GBF1: variants seen among roughly 807,000 people sequenced by gnomAD.
The protein encoded by GBF1 is Golgi-specific brefeldin A-resistance guanine nucleotide exchange factor 1.
GBF1 carries 114 observed loss-of-function variants against 210.5 expected under a neutral mutation model. The observed-to-expected ratio is 0.54, with a 90% CI of 0.47 to 0.63. GBF1 has a LOEUF of 0.63. Among genes scored for constraint, GBF1 ranks in the 30% least tolerant of loss-of-function variants. The pLI, the probability that GBF1 is intolerant of heterozygous loss-of-function variation, is 0.00. For synonymous variants in GBF1, 850 were observed against 889.2 expected (o/e 0.96, Z 0.78); for missense variants, 1,851 against 2,357.7 (o/e 0.79, Z 4.45).
rs1222790767 is a variant in GBF1 at position 102,363,211 on chromosome 10, C to T, written c.1877-45C>T. 2 of 1,556,712 alleles carry T rather than the reference C, an allele frequency of 1.3e-6. No individual in the cohort carries two copies. Among genetic ancestry groups the T allele is most frequent in the South Asian group, 2.4e-5 (2 of 84,652 alleles). ...TGATCTATCCTGCAGCTCTGCTTGG[C>T]TTCATACCCTATAAGTCTTCACGTA... is the stretch of plus-strand genomic sequence containing the variant. On this transcript the variant is annotated intron_variant, in intron 15 of 39. Transcript: ENST00000369983. The surrounding 1 kb of genome is among the most constrained non-coding windows in gnomAD (Gnocchi z 4.2).
intron 3 of GBF1, among the ~76,000 whole-genome samples, chr10:102,281,445 C>T (rs924680091): frequency 8.6e-5 from 13 of 151,900 alleles, no homozygotes; most frequent in African/African-American, 3.1e-4. Context: ...TGATATTTTA[C>T]AATTGACTAG....
At chr10:102,318,229 G>A (rs1416772467) in intron 3 of GBF1, among the ~76,000 whole-genome samples, 1 of 150,222 alleles carries the variant, frequency 6.7e-6, no homozygotes, top group Non-Finnish European at 1.5e-5. Flanking sequence ...GTCTCACTTT[G>A]TTGCCTAGGC....
chr10:102,329,586 C>T (rs2057169444), intron 3 of GBF1, among the ~76,000 whole-genome samples: 1 of 152,078 alleles, frequency 6.6e-6, no homozygotes, highest in Admixed American at 6.6e-5. Flanking sequence ...GCCTCAGCCT[C>T]CTGAGTAGCT....
chr10:102,354,592 G>A (rs992598019), intron 8 of GBF1, among the ~76,000 whole-genome samples: 2 of 152,132 alleles, frequency 1.3e-5, no homozygotes, highest in African/African-American at 4.8e-5. Flanking sequence ...AACACAGCAC[G>A]GCTTTGGAAG....
chr10:102,366,582 CTCTT>C lies in GBF1; in HGVS notation c.2433+78_2433+81del, dbSNP rs2059922825. On this transcript the variant is annotated intron_variant, in intron 19 of 39. Coordinates refer to ENST00000369983, the MANE Select transcript of GBF1 (RefSeq NM_001377137.1). The surrounding 1 kb of genome is among the most constrained non-coding windows in gnomAD (Gnocchi z 4.0). ...GAGGGCTGAAGAATCCAGCTGCTGT[CTCTT>C]TTTTTTTTTTTTTTTTTTGAGACAG... is the stretch of plus-strand genomic sequence containing the variant. 7 of 847,744 alleles carry C rather than the reference CTCTT, an allele frequency of 8.3e-6. No homozygotes were observed. Among genetic ancestry groups the C allele is most frequent in the Non-Finnish European group, 1.0e-5 (6 of 577,922 alleles). 52.5% of individuals were successfully genotyped at this position (847,744 alleles called of 1,614,324 possible).
chr10:102,322,238 A>C (rs1018843376), intron 3 of GBF1, among the ~76,000 whole-genome samples: 1 of 152,238 alleles, frequency 6.6e-6, no homozygotes, highest in African/African-American at 2.4e-5. Context: ...AGAGTCACTT[A>C]TTCAAGTTCT....
In GBF1 at chr10:102,362,747, A is replaced by G. The variant is rs542165523; in HGVS notation, c.1876+83A>G. On this transcript the variant is annotated intron_variant, in intron 15 of 39. Coordinates refer to ENST00000369983, the MANE Select transcript of GBF1 (RefSeq NM_001377137.1). ...TCTCTGAGTCGTTTTTCCTGTCCCCATATCACTTCCCCTGGGATGCTCCCA... is the reference window on the plus strand; with the variant it reads ...TCTCTGAGTCGTTTTTCCTGTCCCCGTATCACTTCCCCTGGGATGCTCCCA... 27 of 1,034,774 alleles carry G rather than the reference A, an allele frequency of 2.6e-5. No homozygotes were observed. The African/African-American group carries it at 4.1e-4, about 16-fold the overall frequency. 64.1% of individuals were successfully genotyped at this position (1,034,774 alleles called of 1,614,324 possible).
chr10:102,274,189 G>A lies in GBF1; in HGVS notation c.163+14073G>A, dbSNP rs563022041. Among the ~76,000 whole-genome samples, 15 of 152,302 alleles carry A rather than the reference G, an allele frequency of 9.8e-5. No individual in the cohort carries two copies. The South Asian group carries it at 2.1e-3, about 21-fold the overall frequency. The stretch of plus-strand genomic sequence containing the variant: ...TGATTTGAGAAGCTCTGGAATTTGA[G>A]CAGACAACTGGGCACTAGTTTGAAG... On this transcript the variant is annotated intron_variant, in intron 3 of 39. Coordinates refer to ENST00000369983, the MANE Select transcript of GBF1 (RefSeq NM_001377137.1).
intron 4 of GBF1, among the ~76,000 whole-genome samples, chr10:102,349,252 G>T (rs2058775450): frequency 6.6e-6 from 1 of 152,190 alleles, no homozygotes; most frequent in Non-Finnish European, 1.5e-5. Context: ...GAGAAAATGG[G>T]CTGGGCACAG....
chr10:102,257,124 ATAATTATGGTTATAAGTTTG>A (rs2072511011), intron 1 of GBF1, among the ~76,000 whole-genome samples: 1 of 152,230 alleles, frequency 6.6e-6, no homozygotes, highest in Non-Finnish European at 1.5e-5. Flanking sequence ...TTCTCTAGGA[ATAATTATGGTTATAAGTTTG>A]GGTATATTAG....
chr10:102,259,022 C>G lies in GBF1; in HGVS notation c.84C>G (p.Thr28=). ...GAIKRNARWS[T]HTPLDEERDP... ...TCAAACGAAATGCCCGATGGAGCAC[C>G]CATACACCACTGGTAAGTGGGAAAT... The change falls in exon 2 of 40, where the codon ACC becomes ACG. Residue 28 remains threonine (T), a synonymous_variant. Transcript: ENST00000369983. The G allele has an allele frequency of 6.4e-7, 1 of 1,553,660 alleles. No homozygotes were observed. The highest frequency in any genetic ancestry group is 8.9e-7 in the Non-Finnish European group (1 of 1,124,932).
chr10:102,380,429 C>A, intron 37 of GBF1, 67 bp downstream of exon 37: 1 of 1,581,938 alleles, frequency 6.3e-7, no homozygotes, highest in Admixed American at 1.7e-5. Flanking sequence ...GCCCTTTCCC[C>A]CTTGGTAGCT....
At chr10:102,364,945 A>G (rs1309999678) in intron 17 of GBF1, among the ~76,000 whole-genome samples, 1 of 152,180 alleles carries the variant, frequency 6.6e-6, no homozygotes, top group East Asian at 1.9e-4. Context: ...CCGTGACTGG[A>G]CATACAGAAA....
At chr10:102,257,511 T>C (rs1279514296) in intron 1 of GBF1, among the ~76,000 whole-genome samples, 4 of 152,092 alleles carry the variant, frequency 2.6e-5, no homozygotes, top group East Asian at 1.9e-4. Context: ...AGACTGGGTC[T>C]CACTGTTTGC....
chr10:102,276,865 C>T (rs905103037), intron 3 of GBF1, among the ~76,000 whole-genome samples: 3 of 151,994 alleles, frequency 2.0e-5, no homozygotes, highest in African/African-American at 7.2e-5. Context: ...GACATTGAAT[C>T]AAATGAACAG....
At chr10:102,302,990 T>TC (rs2077519189) in intron 3 of GBF1, among the ~76,000 whole-genome samples, 1 of 149,822 alleles carries the variant, frequency 6.7e-6, no homozygotes, top group African/African-American at 2.5e-5. Context: ...TTTAAGCTTT[T>TC]TTTTTTTTTT....
rs1206991391 is a variant in GBF1 at position 102,382,039 on chromosome 10, C to A, written c.5303-17C>A. Reference sequence around the variant, plus strand: ...CAACAAGGGAATCTGACTGTAACCACCTTGCTTTCCCTACAGACTTTGAGA... The same window carrying A: ...CAACAAGGGAATCTGACTGTAACCAACTTGCTTTCCCTACAGACTTTGAGA... On this transcript the variant is annotated splice_polypyrimidine_tract_variant and intron_variant, in intron 39 of 39. Transcript: ENST00000369983. 8 of 1,523,446 alleles carry A rather than the reference C, an allele frequency of 5.3e-6. No homozygotes were observed. The African/African-American group carries it at 9.7e-5, about 19-fold the overall frequency. The allele number at this position is 1,523,446 out of a possible 1,614,324, so 94.4% of individuals were successfully genotyped here.
chr10:102,324,317 T>C (rs1349413477), intron 3 of GBF1, among the ~76,000 whole-genome samples: 2 of 152,192 alleles, frequency 1.3e-5, no homozygotes, highest in African/African-American at 4.8e-5. Flanking sequence ...GTTTCAGTTT[T>C]CCAGGGAATT....
intron 3 of GBF1, among the ~76,000 whole-genome samples, chr10:102,289,630 CTCATATTCCTGTTG>C (rs1337690138): frequency 6.6e-6 from 1 of 152,134 alleles, no homozygotes; most frequent in Non-Finnish European, 1.5e-5. Context: ...AAACCCTGGC[CTCATATTCCTGTTG>C]TCATTTACTG....
Sources: allele counts gnomAD v4.1 joint callset (sites outside exome capture counted in the v4.1 genomes callset), GRCh38; gene constraint gnomAD v4.1.1; non-coding constraint Gnocchi (gnomAD v3.1); transcripts MANE v1.5; gene names NCBI Gene and HGNC (gene_info 2026-07-23, HGNC 2026-07-21).